PCDHA1: variants seen among roughly 807,000 people sequenced by gnomAD.
The protein encoded by PCDHA1 is protocadherin alpha-1.
In PCDHA1, 42 loss-of-function variants were observed where a neutral mutation model predicts 61.3. The ratio of observed to expected loss-of-function variants is 0.69; its 90% CI spans 0.54 to 0.89. PCDHA1 has a LOEUF of 0.89. Ranked by LOEUF, PCDHA1 falls within the 40% of genes least tolerant of loss-of-function variation. The pLI is 0.00. For synonymous variants in PCDHA1, 610 were observed against 553.8 expected (o/e 1.10, Z -1.43); for missense variants, 1,256 against 1,235.3 (o/e 1.02, Z -0.25).
chr5:140,851,414 T>G lies in PCDHA1; in HGVS notation c.2394+62730T>G, dbSNP rs1459113543. ...TCTATTATTTTAATAAGAAAGAAAC[T>G]TCCCCTAAACTTTAGAAAACAGTTG... On this transcript the variant is annotated intron_variant, in intron 1 of 3. Transcript: ENST00000504120. 11 of 961,418 alleles carry G rather than the reference T, an allele frequency of 1.1e-5. No individual in the cohort carries two copies. In the East Asian group the frequency reaches 1.2e-3, roughly 108 times the overall value. 59.6% of individuals were successfully genotyped at this position (961,418 alleles called of 1,614,324 possible). A position where few individuals can be genotyped will look rare whatever the true frequency, so the allele number is the denominator to read the frequency against.
chr5:140,807,140 G>C (rs1763848896), intron 1 of PCDHA1: 1 of 1,569,662 alleles, frequency 6.4e-7, no homozygotes. Context: ...GATTTCCCTT[G>C]ACTTTGAGAA....
At chr5:140,968,946 GCAT>G in intron 1 of PCDHA1, 4 of 1,614,172 alleles carry the variant, frequency 2.5e-6, no homozygotes, top group Non-Finnish European at 3.4e-6. Flanking sequence ...ATCATTTTGA[GCAT>G]CATCAAGTGC....
chr5:140,982,487 A>G lies in PCDHA1; in HGVS notation c.2466A>G (p.Leu822=), dbSNP rs1417892860. 3 of 1,614,078 alleles carry G rather than the reference A, an allele frequency of 1.9e-6. No homozygotes were observed. Among genetic ancestry groups the G allele is most frequent in the Non-Finnish European group, 2.5e-6 (3 of 1,180,034 alleles). Residue 822 remains leucine (L), a synonymous_variant, in exon 3 of 4, where the codon CTA becomes CTG. Coordinates refer to ENST00000504120, the MANE Select transcript of PCDHA1 (RefSeq NM_018900.4). ...TGTGTTTATTCAGCTCTGTGCACCTAGAGGAGGCTGGCATTCTACGGGCTG... is the reference window on the plus strand; with the variant it reads ...TGTGTTTATTCAGCTCTGTGCACCTGGAGGAGGCTGGCATTCTACGGGCTG... The part of the protein sequence containing the change: ...LRAGMHSSVH[L]EEAGILRAGP...
intron 1 of PCDHA1, among the ~76,000 whole-genome samples, chr5:140,826,625 C>A (rs1180979712): frequency 6.6e-6 from 1 of 151,940 alleles, no homozygotes; most frequent in African/African-American, 2.4e-5. Flanking sequence ...TGATATTTGG[C>A]CCTGACTTTT....
intron 1 of PCDHA1, chr5:140,871,184 A>G (rs2052793987): frequency 6.2e-7 from 1 of 1,613,434 alleles, no homozygotes; most frequent in African/African-American, 1.3e-5. Context: ...GCGCTGGTGG[A>G]TGTCAACGTG....
In PCDHA1 at chr5:140,808,485, C is replaced by G. The variant is rs782357684; in HGVS notation, c.2394+19801C>G. 12 of 1,614,058 alleles carry G rather than the reference C, an allele frequency of 7.4e-6. No individual in the cohort carries two copies. The highest frequency in any genetic ancestry group is 1.0e-5 in the Non-Finnish European group (12 of 1,180,062). On this transcript the variant is annotated intron_variant, in intron 1 of 3. Transcript: ENST00000504120. ...GTGACCGCGCGAGACGGGGGCTCGCCTTCGCTGTGGGCCACGGCCAGTGTT... is the reference window on the plus strand; with the variant it reads ...GTGACCGCGCGAGACGGGGGCTCGCGTTCGCTGTGGGCCACGGCCAGTGTT...
chr5:140,864,161 T>A (rs1267371347), intron 1 of PCDHA1: 3 of 152,188 alleles, frequency 2.0e-5, no homozygotes, highest in African/African-American at 7.2e-5. Context: ...AGTTAAATCT[T>A]ACCGGAAGGA....
chr5:140,981,612 T>C (rs2096940396), intron 2 of PCDHA1, among the ~76,000 whole-genome samples: 1 of 152,110 alleles, frequency 6.6e-6, no homozygotes, highest in Non-Finnish European at 1.5e-5. Context: ...CCTCTAATTT[T>C]GATGAGGGTT....
chr5:140,879,557 T>C (rs1554170871), intron 1 of PCDHA1, among the ~76,000 whole-genome samples: 1 of 152,152 alleles, frequency 6.6e-6, no homozygotes, highest in Non-Finnish European at 1.5e-5. Flanking sequence ...AAATAATCCA[T>C]GAAAGAATAA....
At position 140,788,078 on chromosome 5, in the gene PCDHA1, A is replaced by T; in HGVS notation, c.1788A>T (p.Ala596=). ...GTCATGTGGTGGCGAAGGTGCGCGC[A>T]GTGGACGCCGACTCGGGCTACAACG... is the stretch of plus-strand genomic sequence containing the variant. ...GAGHVVAKVR[A]VDADSGYNAW... Residue 596 remains alanine, a synonymous_variant, in exon 1 of 4, where the codon GCA becomes GCT. Coordinates refer to ENST00000504120, the MANE Select transcript of PCDHA1 (RefSeq NM_018900.4). The T allele has an allele frequency of 6.2e-7, 1 of 1,613,976 alleles. No individual in the cohort carries two copies. The highest frequency in any genetic ancestry group is 1.3e-5 in the African/African-American group (1 of 75,054).
chr5:140,999,044 T>TTTC (rs1247197667), intron 3 of PCDHA1, among the ~76,000 whole-genome samples: 1 of 152,342 alleles, frequency 6.6e-6, no homozygotes, highest in East Asian at 1.9e-4. Flanking sequence ...TCCAGTGTGC[T>TTTC]TTCCACCATG....
At chr5:140,844,198 T>C (rs1163968581) in intron 1 of PCDHA1, among the ~76,000 whole-genome samples, 4 of 149,848 alleles carry the variant, frequency 2.7e-5, no homozygotes, top group South Asian at 4.2e-4. Context: ...TCTGACTTTT[T>C]AGTGTCTGGT....
At chr5:140,803,551 G>C in intron 1 of PCDHA1, 1 of 1,614,242 alleles carries the variant, frequency 6.2e-7, no homozygotes, top group Non-Finnish European at 8.5e-7. Context: ...AGCCGGGATA[G>C]AGAGGAGAAA....
At chr5:140,877,082 C>A in intron 1 of PCDHA1, 1 of 1,613,120 alleles carries the variant, frequency 6.2e-7, no homozygotes, top group African/African-American at 1.3e-5. Flanking sequence ...CAGGTGAGCG[C>A]GCGCGACGCC....
intron 1 of PCDHA1, among the ~76,000 whole-genome samples, chr5:140,963,206 A>C (rs988428405): frequency 2.0e-5 from 3 of 152,084 alleles, no homozygotes; most frequent in East Asian, 1.9e-4. Flanking sequence ...GAAAAAAAAA[A>C]CCTCGTGTTT....
chr5:140,835,575 G>C (rs1554135076), intron 1 of PCDHA1: 3 of 1,613,752 alleles, frequency 1.9e-6, no homozygotes, highest in Non-Finnish European at 2.5e-6. Flanking sequence ...CTTCAAGTTG[G>C]TGTCCACCTT....
intron 1 of PCDHA1, chr5:140,802,841 C>G: frequency 1.9e-6 from 3 of 1,613,538 alleles, no homozygotes; most frequent in Non-Finnish European, 2.5e-6. Context: ...TGGGCAGCAA[C>G]GTGACGCTGC....
At position 140,802,114 on chromosome 5, in the gene PCDHA1, G is replaced by T. The variant is rs370933207; in HGVS notation, c.2394+13430G>T. On this transcript the variant is annotated intron_variant, in intron 1 of 3. Coordinates refer to ENST00000504120, the MANE Select transcript of PCDHA1 (RefSeq NM_018900.4). ...GTCAATGGACAAATCAGTGTAAAGG[G>T]TAACATAGATTTCGAGGAAAGTAAG... is the stretch of plus-strand genomic sequence containing the variant. 11 of 1,614,082 alleles carry T rather than the reference G, an allele frequency of 6.8e-6. No homozygotes were observed. The African/African-American group carries it at 1.2e-4, about 18-fold the overall frequency.
chr5:140,974,221 T>A (rs75147433), intron 1 of PCDHA1, among the ~76,000 whole-genome samples: 1,739 of 152,246 alleles, frequency 0.011, 25 homozygotes, highest in Non-Finnish European at 0.017. Context: ...TAAAGAGAAA[T>A]CTTAGTTCCT....
Sources: gnomAD v4.1 joint callset for allele counts (sites outside exome capture counted in the v4.1 genomes callset) on GRCh38, gnomAD v4.1.1 for gene constraint, MANE v1.5 for transcripts, NCBI Gene and HGNC (gene_info 2026-07-23, HGNC 2026-07-21) for gene names.